MCF2L: variants seen among roughly 807,000 people sequenced by gnomAD.
The protein encoded by MCF2L is guanine nucleotide exchange factor DBS.
Under a neutral mutation model 153.4 loss-of-function variants are expected in MCF2L, and 97 were observed. The observed-to-expected ratio is 0.63, with a 90% CI of 0.54 to 0.75. MCF2L has a LOEUF of 0.75. Ranked by LOEUF, MCF2L falls within the 30% of genes least tolerant of loss-of-function variation. The pLI is 0.00. For synonymous variants in MCF2L, 659 were observed against 632.2 expected, an observed-to-expected ratio of 1.04 and a Z score of -0.64; for missense variants, 1,347 against 1,495.2, an observed-to-expected ratio of 0.90 and a Z score of 1.64.
intron 2 of MCF2L, among the ~76,000 whole-genome samples, chr13:112,933,970 C>T (rs2081489152): frequency 6.6e-6 from 1 of 152,264 alleles, no homozygotes; most frequent in African/African-American, 2.4e-5. Flanking sequence ...GCTCTGCCCA[C>T]TAGTAAATAG....
chr13:112,917,341 C>A, intron 2 of MCF2L: 1 of 366,856 alleles, frequency 2.7e-6, no homozygotes, highest in South Asian at 2.0e-5. Context: ...CCCCATCGTC[C>A]TCATCTGTGT....
At position 112,932,065 on chromosome 13, in the gene MCF2L, C is replaced by T. The variant is rs1401258691; in HGVS notation, c.169+29694C>T. The stretch of plus-strand genomic sequence containing the variant: ...GTTGTCACGAGGGGAGCTCAGAACC[C>T]TACTTCCTGAGTGTGGGATGTGCGC... On this transcript the variant is annotated intron_variant, in intron 2 of 29. Coordinates refer to the MCF2L transcript ENST00000375608. This position sits in a 1 kb window ranked among gnomAD's most constrained non-coding sequence, Gnocchi z 4.6. Among the ~76,000 whole-genome samples the T allele has an allele frequency of 6.6e-6, 1 of 152,194 alleles. No individual in the cohort carries two copies. The highest frequency in any genetic ancestry group is 1.5e-5 in the Non-Finnish European group (1 of 68,038).
At chr13:112,967,293 G>T (rs944461665), upstream of MCF2L, among the ~76,000 whole-genome samples, 1 of 152,034 alleles carries the variant, frequency 6.6e-6, no homozygotes, top group African/African-American at 2.4e-5. Flanking sequence ...ACAGGAGGTA[G>T]CAATTGTGCC....
In MCF2L at chr13:113,045,239, A is replaced by G; in HGVS notation, c.279-32A>G. 6.4e-7 allele frequency: 1 copy of G among 1,562,634 alleles called. No individual in the cohort carries two copies. Among genetic ancestry groups the G allele is most frequent in the Non-Finnish European group, 8.8e-7 (1 of 1,133,342 alleles). On this transcript the variant is annotated intron_variant, in intron 3 of 29. Transcript: ENST00000535094. The surrounding 1 kb of genome is among the most constrained non-coding windows in gnomAD (Gnocchi z 4.2). ...TGGGCAGCCGGCTTCCCACCTGCAC[A>G]CATTAACGGCGGCGTCTCTTCCTCA... is the stretch of plus-strand genomic sequence containing the variant.
intron 2 of MCF2L, among the ~76,000 whole-genome samples, chr13:112,945,917 A>T (rs1182550741): frequency 1.3e-5 from 2 of 152,074 alleles, no homozygotes; most frequent in Non-Finnish European, 2.9e-5. Flanking sequence ...TAATTTTCTT[A>T]TTCTCTTTGG....
At chr13:112,945,385 G>C (rs2081627273) in intron 2 of MCF2L, among the ~76,000 whole-genome samples, 2 of 152,188 alleles carry the variant, frequency 1.3e-5, no homozygotes, top group Admixed American at 6.5e-5. Context: ...GGCAGAGGGG[G>C]AGTATACGAG....
chr13:113,058,271 G>A lies in MCF2L; in HGVS notation c.370-2322G>A, dbSNP rs186555467. On this transcript the variant is annotated intron_variant, in intron 4 of 29. Transcript: ENST00000535094. Reference sequence around the variant, plus strand: ...TGTGTGGGCGCTGAGTGGGCATTGAGTGGGTGCTGAGTGTTTGGGCACTGA... The same window carrying A: ...TGTGTGGGCGCTGAGTGGGCATTGAATGGGTGCTGAGTGTTTGGGCACTGA... Among the ~76,000 whole-genome samples, 607 of 145,660 alleles carry A rather than the reference G, an allele frequency of 4.2e-3. 3 individuals are homozygous for A. Among genetic ancestry groups the A allele is most frequent in the African/African-American group, 0.015 (583 of 39,250 alleles).
chr13:112,958,651 G>A (rs910932881), intron 2 of MCF2L, among the ~76,000 whole-genome samples: 2 of 152,222 alleles, frequency 1.3e-5, no homozygotes, highest in African/African-American at 4.8e-5. Context: ...CGCCCAGGCT[G>A]ACCGCATGGA....
intron 2 of MCF2L, among the ~76,000 whole-genome samples, chr13:112,931,562 T>C (rs1015485863): frequency 2.6e-5 from 4 of 152,086 alleles, no homozygotes; most frequent in Non-Finnish European, 5.9e-5. Flanking sequence ...GCACATCCCA[T>C]AGCACACGCC....
Position 113,098,713 on chromosome 13 carries a change from C to T in MCF2L, c.*1854C>T, listed in dbSNP as rs961196515. 9.2e-5 allele frequency: 14 copies of T among 152,386 alleles called. No individual in the cohort carries two copies. The highest frequency in any genetic ancestry group is 7.8e-4 in the Admixed American group (12 of 15,310). The allele number at this position is 152,386 out of a possible 1,614,324, so 9.4% of individuals were successfully genotyped here. A position where few individuals can be genotyped will look rare whatever the true frequency, so the allele number is the denominator to read the frequency against. On this transcript the variant is annotated 3_prime_UTR_variant, in exon 30 of 30. Transcript: ENST00000535094. ...AGGCACCGAGCAACCGCTTTGCTTT[C>T]TTCTGTCAGACGGCGATGATGACAA...
intron 11 of MCF2L, among the ~76,000 whole-genome samples, chr13:113,075,517 T>C (rs1485862076): frequency 1.3e-5 from 2 of 152,112 alleles, no homozygotes; most frequent in Non-Finnish European, 2.9e-5. Flanking sequence ...GTGTGTGTGA[T>C]AGAGATGGGG....
rs776601897 is a variant in MCF2L at position 113,044,674 on chromosome 13, C to T, written c.279-597C>T. ...TCAGGCTTCTACTACCAGGCTCATC[C>T]GAGGACGGAGGCTGTCGTTATACAA... On this transcript the variant is annotated intron_variant, in intron 3 of 29. Transcript: ENST00000535094. 12 of 1,612,286 alleles carry T rather than the reference C, an allele frequency of 7.4e-6. No individual in the cohort carries two copies. In the South Asian group the frequency reaches 1.2e-4, roughly 16 times the overall value.
At chr13:112,953,280 GTCC>G (rs1228219953) in intron 2 of MCF2L, among the ~76,000 whole-genome samples, 1 of 152,134 alleles carries the variant, frequency 6.6e-6, no homozygotes, top group Non-Finnish European at 1.5e-5. Context: ...CAGCCTTGGC[GTCC>G]TCCTCCTCCA....
At chr13:112,918,042 G>C (rs2081313382) in intron 2 of MCF2L, among the ~76,000 whole-genome samples, 1 of 152,238 alleles carries the variant, frequency 6.6e-6, no homozygotes. Flanking sequence ...TTTCTAACCA[G>C]TGGCATAATT....
intron 3 of MCF2L, among the ~76,000 whole-genome samples, chr13:113,030,305 A>ATACCCGGTGTGAACTCTCAGGTGTC (rs60592761): frequency 3.3e-4 from 34 of 102,378 alleles, no homozygotes; most frequent in Non-Finnish European, 5.6e-4. Context: ...GTGTCCGCCG[A>ATACCCGGTGTGAACTCTCAGGTGTC]CGCCCGGTGT....
At chr13:112,990,329 G>A (rs1011814953) in intron 1 of MCF2L, among the ~76,000 whole-genome samples, 2 of 152,240 alleles carry the variant, frequency 1.3e-5, no homozygotes, top group African/African-American at 4.8e-5. Flanking sequence ...TGCAGTGTCA[G>A]GTAAGTTCGG....
chr13:112,918,940 C>T (rs970155801), intron 2 of MCF2L, among the ~76,000 whole-genome samples: 14 of 152,148 alleles, frequency 9.2e-5, no homozygotes, highest in Non-Finnish European at 1.6e-4. Context: ...GGCTCTGCCC[C>T]TGCGCTTCCC....
At chr13:112,966,375 C>T (rs948689592), upstream of MCF2L, among the ~76,000 whole-genome samples, 1 of 152,162 alleles carries the variant, frequency 6.6e-6, no homozygotes, top group African/African-American at 2.4e-5. This position sits in a 1 kb window ranked among gnomAD's most constrained non-coding sequence, Gnocchi z 4.1. Context: ...GAGCAGAGCT[C>T]CCTCTTCCTC....
intron 2 of MCF2L, among the ~76,000 whole-genome samples, chr13:112,936,548 G>A (rs1298107490): frequency 2.6e-5 from 4 of 152,182 alleles, no homozygotes; most frequent in Non-Finnish European, 5.9e-5. Context: ...GAGGTGACAA[G>A]GGGTGTGATT....
Sources: allele counts gnomAD v4.1 joint callset (sites outside exome capture counted in the v4.1 genomes callset), GRCh38; gene constraint gnomAD v4.1.1; non-coding constraint Gnocchi (gnomAD v3.1); transcripts MANE v1.5; gene names NCBI Gene and HGNC (gene_info 2026-07-23, HGNC 2026-07-21).